Variants in FYB2 observed in about 807,000 individuals in gnomAD.
FYB2 encodes FYN binding protein 2.
Under a neutral mutation model 94.1 loss-of-function variants are expected in FYB2, and 103 were observed. The ratio of observed to expected loss-of-function variants is 1.09; its 90% CI spans 0.93 to 1.29. The LOEUF (loss-of-function observed/expected upper bound fraction) is 1.29, where lower values mean the gene tolerates loss of function less well. Among genes scored for constraint, FYB2 ranks in the 50% most tolerant of loss-of-function variants. FYB2 has a pLI of 0.00. For missense variants in FYB2, 896 were observed against 841.5 expected, an observed-to-expected ratio of 1.06 and a Z score of -0.80; for synonymous variants, 293 against 287.9, an observed-to-expected ratio of 1.02 and a Z score of -0.18.
At chr1:56,727,487 A>G (rs561567170) in intron 15 of FYB2, among the ~76,000 whole-genome samples, 2 of 152,252 alleles carry the variant, frequency 1.3e-5, no homozygotes, top group African/African-American at 4.8e-5. Context: ...GTATACACAT[A>G]CAATGGAATA....
At chr1:56,735,140 A>G (rs929235902) in intron 15 of FYB2, among the ~76,000 whole-genome samples, 1 of 152,154 alleles carries the variant, frequency 6.6e-6, no homozygotes, top group African/African-American at 2.4e-5. Flanking sequence ...TCAGTATATC[A>G]AAGAGACATC....
Position 56,792,609 on chromosome 1 carries a change from A to G in FYB2, c.204T>C (p.Ser68=), listed in dbSNP as rs1168018917. ...NHKQRTPYCS[S]SESQPLQPQK... ...GAGGTTGAAGAGGCTGGGACTCACT[A>G]CTGGAACAGTATGGTGTGCGCTGCT... The change falls in exon 2 of 20, where the codon AGT becomes AGC. Residue 68 remains serine (S), a synonymous_variant. Coordinates refer to ENST00000343433, the MANE Select transcript of FYB2 (RefSeq NM_001004303.5). 1 of 1,613,948 alleles carries G rather than the reference A, an allele frequency of 6.2e-7. No individual in the cohort carries two copies. The highest frequency in any genetic ancestry group is 1.7e-5 in the Admixed American group (1 of 59,994).
At chr1:56,761,642 A>G (rs1282245142) in intron 5 of FYB2, among the ~76,000 whole-genome samples, 2 of 152,184 alleles carry the variant, frequency 1.3e-5, no homozygotes, top group African/African-American at 2.4e-5. Context: ...TCTGTATAAA[A>G]GAGATGAAAC....
intron 3 of FYB2, among the ~76,000 whole-genome samples, chr1:56,787,588 C>A (rs1021351244): frequency 1.3e-5 from 2 of 152,188 alleles, no homozygotes; most frequent in African/African-American, 4.8e-5. Flanking sequence ...TCCTGGTATA[C>A]CAAGCACTAT....
At chr1:56,742,292 G>T in intron 11 of FYB2, 71 bp from the exon 12 acceptor site, 1 of 1,181,362 alleles carries the variant, frequency 8.5e-7, no homozygotes, top group Non-Finnish European at 1.2e-6. Context: ...TTAACAAAAA[G>T]TATTAGATAC....
the FYB2 span, among the ~76,000 whole-genome samples, chr1:56,825,941 C>A: frequency 6.6e-6 from 1 of 152,224 alleles, no homozygotes; most frequent in Non-Finnish European, 1.5e-5. Context: ...CTTTCCTGAG[C>A]AGAAAACCTG....
intron 1 of FYB2, among the ~76,000 whole-genome samples, chr1:56,807,950 G>T (rs1330805994): frequency 6.6e-6 from 1 of 152,076 alleles, no homozygotes; most frequent in Non-Finnish European, 1.5e-5. Context: ...ACAGTACTTG[G>T]TAAATAGTAT....
In FYB2 at chr1:56,792,115, C is replaced by A. The variant is rs1168517723; in HGVS notation, c.698G>T (p.Ser233Ile). 1.2e-6 allele frequency: 2 copies of A among 1,611,540 alleles called. No homozygotes were observed. Among genetic ancestry groups the A allele is most frequent in the Admixed American group, 1.7e-5 (1 of 59,636 alleles). ...KSWENPPPER[S>I]PASSPCQPIY... Reference sequence around the variant, plus strand: ...GGGCTGGCAGGGGCTGCTTGCCGGGCTCCTCTCAGGAGGTGGGTTTTCCCA... The same window carrying A: ...GGGCTGGCAGGGGCTGCTTGCCGGGATCCTCTCAGGAGGTGGGTTTTCCCA... The change falls in exon 2 of 20, where the codon AGC (serine) becomes ATC (isoleucine). Residue 233 changes from serine (S) to isoleucine (I), a missense_variant. Physicochemically the swap from Ser to Ile is moderately radical, Grantham distance 142 (BLOSUM62 -2). Coordinates refer to ENST00000343433, the MANE Select transcript of FYB2 (RefSeq NM_001004303.5).
chr1:56,729,343 T>C (rs1244299818), intron 15 of FYB2, among the ~76,000 whole-genome samples: 3 of 151,980 alleles, frequency 2.0e-5, no homozygotes, highest in African/African-American at 7.2e-5. Context: ...CAGTTTGAGT[T>C]ATTGGAAGAG....
intron 1 of FYB2, among the ~76,000 whole-genome samples, chr1:56,804,056 G>C (rs1646582176): frequency 6.6e-6 from 1 of 152,216 alleles, no homozygotes; most frequent in African/African-American, 2.4e-5. Context: ...AGTGCTTACT[G>C]TGAGGCCAGC....
chr1:56,745,168 C>G (rs1241787652), intron 9 of FYB2, among the ~76,000 whole-genome samples: 3 of 151,992 alleles, frequency 2.0e-5, no homozygotes, highest in African/African-American at 7.2e-5. Flanking sequence ...CACACAGTTT[C>G]TTCTTAGTCT....
upstream of FYB2, among the ~76,000 whole-genome samples, chr1:56,822,238 G>A (rs771499962): frequency 1.2e-4 from 19 of 152,210 alleles, no homozygotes; most frequent in Non-Finnish European, 2.8e-4. Flanking sequence ...AACACAACCA[G>A]TGGAAGATCA....
intron 4 of FYB2, among the ~76,000 whole-genome samples, chr1:56,785,255 A>G (rs966774701): frequency 5.9e-5 from 9 of 152,182 alleles, no homozygotes; most frequent in African/African-American, 1.9e-4. Flanking sequence ...CTGTAGGAAA[A>G]ATGTGTATCT....
At chr1:56,732,896 G>A in intron 15 of FYB2, among the ~76,000 whole-genome samples, 1 of 151,870 alleles carries the variant, frequency 6.6e-6, no homozygotes, top group South Asian at 2.1e-4. Flanking sequence ...AAGAAAACAG[G>A]GGAAACACTT....
chr1:56,722,545 A>G (rs1006962643), intron 17 of FYB2, among the ~76,000 whole-genome samples: 1 of 152,102 alleles, frequency 6.6e-6, no homozygotes, highest in African/African-American at 2.4e-5. Flanking sequence ...GGGTCTTGAT[A>G]AATGAACGAG....
intron 9 of FYB2, among the ~76,000 whole-genome samples, chr1:56,749,447 T>C (rs1645145297): frequency 6.6e-6 from 1 of 152,016 alleles, no homozygotes; most frequent in African/African-American, 2.4e-5. Flanking sequence ...TATCTTTTAG[T>C]TCACTAATTT....
At chr1:56,750,192 A>C (rs967928782) in intron 9 of FYB2, among the ~76,000 whole-genome samples, 2 of 152,102 alleles carry the variant, frequency 1.3e-5, no homozygotes, top group Non-Finnish European at 2.9e-5. Flanking sequence ...TTTCAAAATA[A>C]AAATAAATGA....
At chr1:56,789,672 T>A (rs1025356671) in intron 2 of FYB2, among the ~76,000 whole-genome samples, 1 of 152,198 alleles carries the variant, frequency 6.6e-6, no homozygotes, top group African/African-American at 2.4e-5. Flanking sequence ...TTTGTATCCC[T>A]GTAGCACATT....
chr1:56,823,085 A>T (rs149489699), upstream of FYB2, among the ~76,000 whole-genome samples: 1 of 152,286 alleles, frequency 6.6e-6, no homozygotes, highest in East Asian at 1.9e-4. Flanking sequence ...ACAGTTGCAT[A>T]TATTTTCTTC....
Sources: allele counts gnomAD v4.1 joint callset (sites outside exome capture counted in the v4.1 genomes callset), GRCh38; gene constraint gnomAD v4.1.1; transcripts MANE v1.5; gene names NCBI Gene and HGNC (gene_info 2026-07-23, HGNC 2026-07-21).